GRID1: variants seen among roughly 807,000 people sequenced by gnomAD.
The protein encoded by GRID1 is glutamate ionotropic receptor delta type subunit 1.
A neutral mutation model predicts 98.0 loss-of-function variants in GRID1; 28 were observed. The ratio of observed to expected loss-of-function variants is 0.29; its 90% CI spans 0.21 to 0.39. GRID1 has a LOEUF of 0.39. Among genes scored for constraint, GRID1 ranks in the 10% least tolerant of loss-of-function variants. The pLI, the probability that GRID1 is intolerant of heterozygous loss-of-function variation, is 1.00. For missense variants in GRID1, 1,111 were observed against 1,340.5 expected (o/e 0.83, Z 2.67); for synonymous variants, 553 against 538.5 (o/e 1.03, Z -0.37).
chr10:86,258,974 A>C (rs1679359444), intron 2 of GRID1, among the ~76,000 whole-genome samples: 2 of 152,240 alleles, frequency 1.3e-5, no homozygotes, highest in African/African-American at 4.8e-5. Context: ...AAAGGACAAA[A>C]CCAGTCTTAG....
At chr10:86,259,636 T>C (rs532542601) in intron 2 of GRID1, among the ~76,000 whole-genome samples, 7 of 152,338 alleles carry the variant, frequency 4.6e-5, no homozygotes, top group East Asian at 1.9e-4. Flanking sequence ...CAGAGTCCAG[T>C]TGCATTCCTA....
At chr10:85,624,226 TTAAAA>T (rs1842886173) in intron 13 of GRID1, among the ~76,000 whole-genome samples, 1 of 152,230 alleles carries the variant, frequency 6.6e-6, no homozygotes, top group African/African-American at 2.4e-5. Context: ...AGTTCTGCTA[TTAAAA>T]TAAAACAAAA....
chr10:86,171,281 G>A (rs1845483651), intron 3 of GRID1, among the ~76,000 whole-genome samples: 2 of 152,340 alleles, frequency 1.3e-5, no homozygotes, highest in South Asian at 2.1e-4. Context: ...TGGGGCAATA[G>A]AAGCGTTTCT....
At chr10:86,097,550 C>T (rs994005345) in intron 4 of GRID1, among the ~76,000 whole-genome samples, 1 of 152,130 alleles carries the variant, frequency 6.6e-6, no homozygotes, top group African/African-American at 2.4e-5. Context: ...TATCTATCAT[C>T]TATCTATCTA....
intron 13 of GRID1, among the ~76,000 whole-genome samples, chr10:85,635,333 G>C (rs1843025977): frequency 6.6e-6 from 1 of 151,970 alleles, no homozygotes; most frequent in African/African-American, 2.4e-5. Context: ...AGTTATAAAG[G>C]GGCCAACTCA....
At chr10:85,874,538 G>C (rs1406669758) in intron 5 of GRID1, among the ~76,000 whole-genome samples, 1 of 152,120 alleles carries the variant, frequency 6.6e-6, no homozygotes, top group Admixed American at 6.5e-5. Flanking sequence ...AATTTCCACT[G>C]AGTTGGTTCT....
chr10:85,920,057 C>T (rs1483055984), intron 4 of GRID1, among the ~76,000 whole-genome samples: 3 of 152,158 alleles, frequency 2.0e-5, no homozygotes, highest in South Asian at 4.1e-4. Context: ...AGCTGCCTTG[C>T]TCCCTACTGG....
At chr10:86,047,542 G>C (rs1843441016) in intron 4 of GRID1, among the ~76,000 whole-genome samples, 1 of 152,164 alleles carries the variant, frequency 6.6e-6, no homozygotes, top group Non-Finnish European at 1.5e-5. Flanking sequence ...ACATTGCCCA[G>C]CCTAAACAGA....
chr10:85,813,460 C>T (rs1842690412), intron 8 of GRID1, among the ~76,000 whole-genome samples: 1 of 137,758 alleles, frequency 7.3e-6, no homozygotes, highest in African/African-American at 2.7e-5. Flanking sequence ...ATGTGAAACG[C>T]TGAAAAAAAA....
chr10:85,980,484 T>C (rs1405925960), intron 4 of GRID1, among the ~76,000 whole-genome samples: 1 of 152,250 alleles, frequency 6.6e-6, no homozygotes, highest in Non-Finnish European at 1.5e-5. Context: ...ATTTGATTCC[T>C]GATGCTGAGC....
chr10:85,731,833 A>AAGGGAGGG (rs767286602), intron 8 of GRID1, among the ~76,000 whole-genome samples: 1 of 68,630 alleles, frequency 1.5e-5, no homozygotes, highest in East Asian at 3.8e-4. Context: ...GGAAGGAAGG[A>AAGGGAGGG]AGGGAGGGAG....
At chr10:86,350,489 C>T (rs932901557) in intron 2 of GRID1, among the ~76,000 whole-genome samples, 1 of 152,128 alleles carries the variant, frequency 6.6e-6, no homozygotes. Flanking sequence ...AGGCCCAGCA[C>T]ATACAAGGAG....
chr10:86,137,398 CA>C (rs1430224449), intron 4 of GRID1, among the ~76,000 whole-genome samples: 2 of 151,998 alleles, frequency 1.3e-5, no homozygotes, highest in Non-Finnish European at 2.9e-5. Context: ...ACTCCAAAGC[CA>C]ATAGTCTTTC....
intron 12 of GRID1, among the ~76,000 whole-genome samples, chr10:85,652,477 C>T (rs907432392): frequency 3.3e-5 from 5 of 152,130 alleles, no homozygotes; most frequent in Non-Finnish European, 7.4e-5. Flanking sequence ...TATTATTCTT[C>T]CTTAAGGAGA....
chr10:86,278,343 G>C (rs188640409), intron 2 of GRID1, among the ~76,000 whole-genome samples: 1 of 152,112 alleles, frequency 6.6e-6, no homozygotes, highest in African/African-American at 2.4e-5. Flanking sequence ...GGTCAATCCA[G>C]TGACCTGGGT....
At chr10:85,667,349 G>A (rs1040337746) in intron 12 of GRID1, among the ~76,000 whole-genome samples, 13 of 141,420 alleles carry the variant, frequency 9.2e-5, no homozygotes, top group African/African-American at 3.1e-4. Flanking sequence ...AGAGAGAGAC[G>A]AACAATGTCT....
chr10:86,069,919 G>A (rs1843779236), intron 4 of GRID1, among the ~76,000 whole-genome samples: 3 of 152,136 alleles, frequency 2.0e-5, no homozygotes, highest in South Asian at 2.1e-4. Flanking sequence ...GGGGAGAGGG[G>A]CCACTCACTC....
chr10:86,135,610 G>A lies in GRID1; in HGVS notation c.726+3209C>T, dbSNP rs564968679. On this transcript the variant is annotated intron_variant, in intron 4 of 15. Transcript: ENST00000327946. ...AGGGATGTGAGGGGTCTCTAGGTGG[G>A]GCCTGACACACAAGCCCACAGGGTC... Among the ~76,000 whole-genome samples the A allele has an allele frequency of 7.4e-4, 113 of 152,144 alleles. 1 individual carries two copies. The highest frequency in any genetic ancestry group is 6.9e-4 in the Non-Finnish European group (47 of 67,986).
At chr10:85,825,930 A>G (rs1038858475) in intron 8 of GRID1, among the ~76,000 whole-genome samples, 1 of 152,168 alleles carries the variant, frequency 6.6e-6, no homozygotes, top group Non-Finnish European at 1.5e-5. Flanking sequence ...AAATTAAGGT[A>G]AAAAAGAAGA....
Sources: allele counts gnomAD v4.1 joint callset (sites outside exome capture counted in the v4.1 genomes callset), GRCh38; gene constraint gnomAD v4.1.1; transcripts MANE v1.5; gene names NCBI Gene and HGNC (gene_info 2026-07-23, HGNC 2026-07-21).